Variants in GMCL1 observed in about 807,000 individuals in gnomAD.
GMCL1 encodes germ cell-less protein-like 1.
In GMCL1, 54 loss-of-function variants were observed where a neutral mutation model predicts 75.5. That is an observed-to-expected ratio of 0.71 (90% CI 0.57 to 0.90). GMCL1 has a LOEUF of 0.90. Ranked by LOEUF, GMCL1 falls within the 40% of genes least tolerant of loss-of-function variation. The pLI is 0.00. For synonymous variants in GMCL1, 210 were observed against 209.6 expected, an observed-to-expected ratio of 1.00 and a Z score of -0.02; for missense variants, 537 against 622.7, an observed-to-expected ratio of 0.86 and a Z score of 1.47.
chr2:69,873,715 CT>C, intron 13 of GMCL1: 1 of 168,024 alleles, frequency 6.0e-6, no homozygotes. Flanking sequence ...TGATCTTATG[CT>C]TTTTGACCTC....
chr2:69,863,115 A>G (rs1261817564), intron 10 of GMCL1, among the ~76,000 whole-genome samples: 1 of 152,148 alleles, frequency 6.6e-6, no homozygotes, highest in Non-Finnish European at 1.5e-5. Context: ...ACCCCTGCGT[A>G]TACCAAAATC....
intron 7 of GMCL1, among the ~76,000 whole-genome samples, chr2:69,847,842 T>G (rs1346997325): frequency 6.6e-6 from 1 of 152,256 alleles, no homozygotes; most frequent in African/African-American, 2.4e-5. Context: ...TTAGGAATAC[T>G]TTTCTGTTTT....
rs746984793 is a variant in GMCL1 at position 69,871,726 on chromosome 2, AT to A, written c.1365-9del. ...TTTAAAAATCTTGTGTTTATTTTTT[AT>A]TTTTTTTTTAATCCTAGATTACGTT... On this transcript the variant is annotated intron_variant, in intron 12 of 13. Transcript: ENST00000282570. 10,087 of 1,188,718 alleles carry A rather than the reference AT, an allele frequency of 8.5e-3. No individual in the cohort carries two copies. The highest frequency in any genetic ancestry group is 9.6e-3 in the South Asian group (640 of 66,802). 73.6% of individuals were successfully genotyped at this position (1,188,718 alleles called of 1,614,324 possible).
rs1162454942 is a variant in GMCL1 at position 69,879,696 on chromosome 2, G to C, written c.*692G>C. 1 of 152,054 alleles carries C rather than the reference G, an allele frequency of 6.6e-6. No homozygotes were observed. The highest frequency in any genetic ancestry group is 1.5e-5 in the Non-Finnish European group (1 of 67,988). 9.4% of individuals were successfully genotyped at this position (152,054 alleles called of 1,614,324 possible). ...AGGAGTTTAAGAACAGTGAAAGTTA[G>C]CTTTGCACCTTCAAATGATCTTGAA... On this transcript the variant is annotated 3_prime_UTR_variant, in exon 14 of 14. Transcript: ENST00000282570.
At chr2:69,859,742 T>TTAAAAAAAAAAAAAAAAAAAAAAA (rs1553372489) in intron 9 of GMCL1, among the ~76,000 whole-genome samples, 13 of 79,130 alleles carry the variant, frequency 1.6e-4, no homozygotes, top group Admixed American at 3.4e-4. Context: ...TCTCTCTCTC[T>TTAAAAAAAAAAAAAAAAAAAAAAA]AAAAAAAAAA....
At chr2:69,863,902 T>C (rs1675730394) in intron 10 of GMCL1, among the ~76,000 whole-genome samples, 1 of 152,098 alleles carries the variant, frequency 6.6e-6, no homozygotes, top group Non-Finnish European at 1.5e-5. Context: ...TTTTATCCAC[T>C]ATTTCTTCTG....
At chr2:69,869,669 A>G (rs764758874) in intron 11 of GMCL1, 50 bp from the exon 12 acceptor site, 14 of 1,555,676 alleles carry the variant, frequency 9.0e-6, no homozygotes, top group Admixed American at 7.0e-5. Flanking sequence ...TTTATTTTCT[A>G]CTTGCTAATA....
chr2:69,869,986 T>A, intron 12 of GMCL1, 122 bp downstream of exon 12: 4 of 940,624 alleles, frequency 4.3e-6, no homozygotes, highest in Non-Finnish European at 4.6e-6. Flanking sequence ...GTGGAAGTGG[T>A]AGGAAATGAC....
chr2:69,834,755 T>C (rs1674773612), intron 1 of GMCL1, among the ~76,000 whole-genome samples: 3 of 152,194 alleles, frequency 2.0e-5, no homozygotes, highest in Admixed American at 2.0e-4. Flanking sequence ...TATACTACCT[T>C]AGTTTTGGGA....
At chr2:69,874,689 T>C (rs1017761288) in intron 13 of GMCL1, among the ~76,000 whole-genome samples, 7 of 152,144 alleles carry the variant, frequency 4.6e-5, no homozygotes, top group African/African-American at 1.7e-4. Context: ...TTCTTGCTAA[T>C]TTTTAACAGC....
Position 69,869,750 on chromosome 2 carries a change from G to A in GMCL1, c.1250G>A (p.Gly417Asp). The part of the protein sequence containing the change: ...YCWRWTGFNF[G>D]FDLLVTYTNR... Reference sequence around the variant, plus strand: ...TGGCGTTGGACAGGTTTTAACTTCGGCTTCGACCTACTTGTAACTTACACC... The same window carrying A: ...TGGCGTTGGACAGGTTTTAACTTCGACTTCGACCTACTTGTAACTTACACC... The change falls in exon 12 of 14, where the codon GGC becomes GAC. Residue 417 changes from glycine to aspartate, a missense_variant. Physicochemically the swap from Gly to Asp is moderately conservative, Grantham distance 94 (BLOSUM62 -1). Coordinates refer to ENST00000282570, the MANE Select transcript of GMCL1 (RefSeq NM_178439.5). The A allele has an allele frequency of 6.2e-7, 1 of 1,613,778 alleles. No individual in the cohort carries two copies. The highest frequency in any genetic ancestry group is 2.2e-5 in the East Asian group (1 of 44,858).
rs1675774592 is a variant in GMCL1, at chr2:69,865,185, AT to A, written c.1218+214del. On this transcript the variant is annotated intron_variant, in intron 11 of 13. Transcript: ENST00000282570. ...CCTTGTATGAGAATGCTGAACTTAA[AT>A]TTTGAGTTCAGATAAGACATACAAG... Among the ~76,000 whole-genome samples, 4 of 152,196 alleles carry A rather than the reference AT, an allele frequency of 2.6e-5. No homozygotes were observed. The South Asian group carries it at 6.2e-4, about 24-fold the overall frequency.
chr2:69,860,135 G>T (rs919743946), intron 9 of GMCL1, among the ~76,000 whole-genome samples: 1 of 152,006 alleles, frequency 6.6e-6, no homozygotes, highest in Non-Finnish European at 1.5e-5. Context: ...CTGAGTAGCT[G>T]GGACTACAGG....
chr2:69,849,606 G>T, intron 7 of GMCL1, 46 bp from the exon 8 acceptor site: 2 of 1,206,670 alleles, frequency 1.7e-6, no homozygotes, highest in Non-Finnish European at 2.3e-6. Flanking sequence ...ATCATAAAAT[G>T]ATGAAATTTC....
intron 11 of GMCL1, among the ~76,000 whole-genome samples, chr2:69,868,946 T>A (rs1675899066): frequency 6.7e-6 from 1 of 149,488 alleles, no homozygotes; most frequent in South Asian, 2.1e-4. Context: ...AAACCCCGTC[T>A]CTACTCAAAA....
At chr2:69,849,451 C>T (rs1675246912) in intron 7 of GMCL1, among the ~76,000 whole-genome samples, 1 of 152,156 alleles carries the variant, frequency 6.6e-6, no homozygotes, top group African/African-American at 2.4e-5. Context: ...AGGTGTGAGC[C>T]ACAGCACCCA....
chr2:69,860,547 T>C (rs1390354711), intron 9 of GMCL1, among the ~76,000 whole-genome samples: 2 of 152,178 alleles, frequency 1.3e-5, no homozygotes, highest in Non-Finnish European at 2.9e-5. Flanking sequence ...TGTTTTTTTA[T>C]GTTAATAATG....
chr2:69,862,584 AC>A (rs1675685814), intron 10 of GMCL1, among the ~76,000 whole-genome samples: 2 of 151,984 alleles, frequency 1.3e-5, no homozygotes, highest in South Asian at 2.1e-4. Context: ...AGATGGAGAA[AC>A]CCTGTCTCTA....
At chr2:69,865,970 G>T (rs1573368381) in intron 11 of GMCL1, among the ~76,000 whole-genome samples, 1 of 152,054 alleles carries the variant, frequency 6.6e-6, no homozygotes, top group Non-Finnish European at 1.5e-5. Flanking sequence ...ACTGATTGTG[G>T]CTGGGCACGG....
Sources: allele counts gnomAD v4.1 joint callset (sites outside exome capture counted in the v4.1 genomes callset), GRCh38; gene constraint gnomAD v4.1.1; transcripts MANE v1.5; gene names NCBI Gene and HGNC (gene_info 2026-07-23, HGNC 2026-07-21).